RABGAP1L: variants seen among roughly 807,000 people sequenced by gnomAD.
The protein encoded by RABGAP1L is rab GTPase-activating protein 1-like.
A neutral mutation model predicts 137.7 loss-of-function variants in RABGAP1L; 63 were observed. The observed-to-expected ratio is 0.46, with a 90% CI of 0.37 to 0.56. The LOEUF is 0.56. Ranked by LOEUF, RABGAP1L falls within the 20% of genes least tolerant of loss-of-function variation. The pLI is 0.00. For missense variants in RABGAP1L, 1,095 were observed against 1,244.0 expected (o/e 0.88, Z 1.80); for synonymous variants, 431 against 433.7 (o/e 0.99, Z 0.08).
At chr1:174,427,107 T>C (rs1652041788) in intron 13 of RABGAP1L, among the ~76,000 whole-genome samples, 1 of 151,812 alleles carries the variant, frequency 6.6e-6, no homozygotes, top group Admixed American at 6.6e-5. Flanking sequence ...TATAAACCTC[T>C]ATGAAACCTC....
Position 174,960,961 on chromosome 1 carries a change from G to A in RABGAP1L, c.2433+3412G>A, listed in dbSNP as rs563809995. Among the ~76,000 whole-genome samples the A allele has an allele frequency of 1.6e-4, 25 of 152,266 alleles. No individual in the cohort carries two copies. In the East Asian group the frequency reaches 1.7e-3, roughly 11 times the overall value. Reference sequence around the variant, plus strand: ...ATATATGCACTGCCTGTGCTACCTGGTCTTGGCATCAGTTTATATTTTAAA... The same window carrying A: ...ATATATGCACTGCCTGTGCTACCTGATCTTGGCATCAGTTTATATTTTAAA... On this transcript the variant is annotated intron_variant, in intron 20 of 25. Coordinates refer to ENST00000681986, the MANE Select transcript of RABGAP1L (RefSeq NM_001366446.1).
At chr1:174,903,292 C>G (rs4651205) in intron 19 of RABGAP1L, among the ~76,000 whole-genome samples, 1 of 152,018 alleles carries the variant, frequency 6.6e-6, no homozygotes, top group Admixed American at 6.6e-5. Context: ...CATTCTGTAG[C>G]TGGAGTTGTC....
chr1:174,484,517 T>G (rs1246364312), intron 13 of RABGAP1L, among the ~76,000 whole-genome samples: 1 of 152,218 alleles, frequency 6.6e-6, no homozygotes, highest in Admixed American at 6.5e-5. Context: ...TATTTTCTTG[T>G]AGTGGTTTTA....
chr1:174,682,498 A>G (rs1157843684), intron 14 of RABGAP1L, among the ~76,000 whole-genome samples: 2 of 151,878 alleles, frequency 1.3e-5, no homozygotes, highest in East Asian at 1.9e-4. Flanking sequence ...AGAAAAAACA[A>G]GCAACCAGTA....
intron 1 of RABGAP1L, among the ~76,000 whole-genome samples, chr1:174,168,484 A>G (rs573950319): frequency 1.1e-3 from 174 of 151,876 alleles, no homozygotes; most frequent in African/African-American, 3.9e-3. Context: ...AAATCTCATG[A>G]ACTGTATTCT....
intron 13 of RABGAP1L, among the ~76,000 whole-genome samples, chr1:174,450,184 AC>A (rs1279060306): frequency 6.6e-6 from 1 of 152,128 alleles, no homozygotes; most frequent in Admixed American, 6.5e-5. Context: ...CAGGATACTC[AC>A]CCAGCAGTGA....
intron 19 of RABGAP1L, among the ~76,000 whole-genome samples, chr1:174,937,446 C>T (rs898666367): frequency 1.0e-4 from 15 of 148,194 alleles, no homozygotes; most frequent in Admixed American, 2.7e-4. Flanking sequence ...CACCACACCC[C>T]GCTGATTTTT....
chr1:174,803,611 A>ATT (rs200872896), intron 18 of RABGAP1L, among the ~76,000 whole-genome samples: 1 of 148,206 alleles, frequency 6.7e-6, no homozygotes, highest in African/African-American at 2.5e-5. Flanking sequence ...TCACATTTAG[A>ATT]TTTTTTTTTT....
chr1:174,418,267 T>G (rs1244977713), intron 13 of RABGAP1L, among the ~76,000 whole-genome samples: 2 of 152,236 alleles, frequency 1.3e-5, no homozygotes, highest in Non-Finnish European at 2.9e-5. Context: ...ACACGTCTTG[T>G]TCAGTTTCAA....
At chr1:174,699,802 G>T in intron 16 of RABGAP1L, 152 bp downstream of exon 16, 1 of 703,346 alleles carries the variant, frequency 1.4e-6, no homozygotes, top group Non-Finnish European at 2.2e-6. Flanking sequence ...TATCTACATT[G>T]GTCTATCATA....
At chr1:174,826,637 A>G (rs1304247332) in intron 19 of RABGAP1L, among the ~76,000 whole-genome samples, 3 of 152,144 alleles carry the variant, frequency 2.0e-5, no homozygotes, top group Non-Finnish European at 4.4e-5. Flanking sequence ...TTGGTAGAAC[A>G]ATTTATTTTC....
chr1:174,650,540 AC>A (rs1432281564), intron 14 of RABGAP1L, among the ~76,000 whole-genome samples: 1 of 152,082 alleles, frequency 6.6e-6, no homozygotes, highest in African/African-American at 2.4e-5. Flanking sequence ...CAGAGATTCA[AC>A]TTCTTCCTGG....
chr1:174,524,128 C>A (rs1177258589), intron 13 of RABGAP1L, among the ~76,000 whole-genome samples: 1 of 151,976 alleles, frequency 6.6e-6, no homozygotes, highest in South Asian at 2.1e-4. Context: ...ATACTGACTT[C>A]TTTTCCTTTG....
At chr1:174,380,624 C>G (rs1381301623) in intron 12 of RABGAP1L, among the ~76,000 whole-genome samples, 15 of 152,026 alleles carry the variant, frequency 9.9e-5, no homozygotes, top group Admixed American at 7.2e-4. Flanking sequence ...TCTGTGGGAT[C>G]TGTGATGATA....
intron 3 of RABGAP1L, among the ~76,000 whole-genome samples, chr1:174,223,087 G>A (rs1205955241): frequency 1.3e-5 from 2 of 151,898 alleles, no homozygotes; most frequent in African/African-American, 2.4e-5. Flanking sequence ...GGCTAATATA[G>A]TGAAACCCCG....
chr1:174,509,210 G>A (rs979733251), intron 13 of RABGAP1L, among the ~76,000 whole-genome samples: 1 of 152,140 alleles, frequency 6.6e-6, no homozygotes, highest in Non-Finnish European at 1.5e-5. Flanking sequence ...AATAAAATCT[G>A]TGTAATCAAA....
chr1:174,961,171 C>G (rs1669056015), intron 20 of RABGAP1L, among the ~76,000 whole-genome samples: 1 of 152,100 alleles, frequency 6.6e-6, no homozygotes, highest in Non-Finnish European at 1.5e-5. Context: ...TTTGTCTACT[C>G]TAACATTTTG....
chr1:174,349,763 C>T (rs1176842053), intron 11 of RABGAP1L, among the ~76,000 whole-genome samples: 26 of 133,540 alleles, frequency 1.9e-4, no homozygotes, highest in East Asian at 1.1e-3. Flanking sequence ...CCAGACGGGG[C>T]GGCTGGCCGG....
intron 11 of RABGAP1L, among the ~76,000 whole-genome samples, chr1:174,361,895 G>T (rs1431420528): frequency 6.6e-6 from 1 of 152,098 alleles, no homozygotes; most frequent in East Asian, 1.9e-4. Context: ...ATTAAGTCTA[G>T]TACCCTTTAA....
Sources: gnomAD v4.1 joint callset for allele counts (sites outside exome capture counted in the v4.1 genomes callset) on GRCh38, gnomAD v4.1.1 for gene constraint, MANE v1.5 for transcripts, NCBI Gene and HGNC (gene_info 2026-07-23, HGNC 2026-07-21) for gene names.